Variants in FSTL5 observed in about 807,000 individuals in gnomAD.
The protein encoded by FSTL5 is follistatin-related protein 5.
Under a neutral mutation model 89.1 loss-of-function variants are expected in FSTL5, and 62 were observed. The ratio of observed to expected loss-of-function variants is 0.70; its 90% CI spans 0.57 to 0.86. The LOEUF is 0.86. Ranked by LOEUF, FSTL5 falls within the 40% of genes least tolerant of loss-of-function variation. The probability of loss-of-function intolerance (pLI) is 0.00; values close to 1 mark genes in which losing one functional copy is unlikely to be tolerated. For missense variants in FSTL5, 1,057 were observed against 1,001.6 expected (o/e 1.06, Z -0.75); for synonymous variants, 383 against 346.2 (o/e 1.11, Z -1.18).
chr4:161,497,586 C>A (rs1730125782), intron 12 of FSTL5, among the ~76,000 whole-genome samples: 1 of 151,706 alleles, frequency 6.6e-6, no homozygotes, highest in African/African-American at 2.4e-5. Context: ...TATTACTCTT[C>A]CATAAGAGTA....
intron 4 of FSTL5, among the ~76,000 whole-genome samples, chr4:161,793,132 C>A (rs931940077): frequency 6.6e-6 from 1 of 152,232 alleles, no homozygotes; most frequent in Non-Finnish European, 1.5e-5. Context: ...ATGGAGCCGG[C>A]AACTGGACCA....
chr4:161,885,829 G>T (rs1190641961), intron 4 of FSTL5, among the ~76,000 whole-genome samples: 2 of 152,054 alleles, frequency 1.3e-5, no homozygotes, highest in Admixed American at 1.3e-4. Context: ...AGTATTGTGT[G>T]TGTATGTTTT....
chr4:162,102,237 G>T (rs906248126), intron 2 of FSTL5, among the ~76,000 whole-genome samples: 1 of 151,846 alleles, frequency 6.6e-6, no homozygotes, highest in Non-Finnish European at 1.5e-5. Flanking sequence ...TAACTCACCT[G>T]TGTCCTAATA....
chr4:161,759,711 A>G (rs1005454630), intron 5 of FSTL5, among the ~76,000 whole-genome samples, 180 bp from the exon 6 acceptor site: 1 of 152,226 alleles, frequency 6.6e-6, no homozygotes, highest in African/African-American at 2.4e-5. Context: ...CTTTTCAAAG[A>G]TATAAAGTTA....
At chr4:161,438,494 A>G (rs1159105073) in intron 15 of FSTL5, among the ~76,000 whole-genome samples, 1 of 152,162 alleles carries the variant, frequency 6.6e-6, no homozygotes, top group Non-Finnish European at 1.5e-5. Flanking sequence ...TTTCCCTTTT[A>G]TGTCTTGCTG....
chr4:161,868,879 G>A lies in FSTL5; in HGVS notation c.409+51525C>T, dbSNP rs184325725. On this transcript the variant is annotated intron_variant, in intron 4 of 15. Coordinates refer to ENST00000306100, the MANE Select transcript of FSTL5 (RefSeq NM_020116.5). ...GCCTCTTGGGCGTATTTAGAAAGCC[G>A]TATCCTTATATACTAAGTCATCTAA... 7.1e-4 allele frequency among the ~76,000 whole-genome samples: 108 copies of A among 152,086 alleles called. 2 individuals carry two copies. In the East Asian group the frequency reaches 0.018, roughly 26 times the overall value.
Position 161,860,269 on chromosome 4 carries a change from C to A in FSTL5, c.409+60135G>T, listed in dbSNP as rs1212678557. ...CGCCACTGCACTCCAGCCTAGGCGA[C>A]AGAGCGAGACTCCGTCTCAAACAAA... On this transcript the variant is annotated intron_variant, in intron 4 of 15. Transcript: ENST00000306100. 2.0e-5 allele frequency among the ~76,000 whole-genome samples: 3 copies of A among 148,918 alleles called. No homozygotes were observed. The East Asian group carries it at 6.0e-4, about 30-fold the overall frequency.
chr4:161,980,699 A>G (rs1048519212), intron 3 of FSTL5, among the ~76,000 whole-genome samples: 5 of 151,570 alleles, frequency 3.3e-5, no homozygotes, highest in African/African-American at 1.2e-4. Context: ...GTCTTCTCCT[A>G]AACATAGGGA....
chr4:161,476,883 A>G (rs939811925), intron 13 of FSTL5, among the ~76,000 whole-genome samples: 1 of 152,096 alleles, frequency 6.6e-6, no homozygotes, highest in African/African-American at 2.4e-5. Context: ...AGATACCCCA[A>G]ATGTAAAGGA....
intron 7 of FSTL5, among the ~76,000 whole-genome samples, chr4:161,607,418 T>C (rs1247695929): frequency 6.6e-6 from 1 of 152,130 alleles, no homozygotes; most frequent in Non-Finnish European, 1.5e-5. Flanking sequence ...AGCTGAAATA[T>C]ATATAATACT....
In FSTL5 at chr4:161,651,012, C is replaced by A. The variant is rs528120202; in HGVS notation, c.894+5316G>T. 2.6e-5 allele frequency among the ~76,000 whole-genome samples: 4 copies of A among 152,226 alleles called. No homozygotes were observed. In the South Asian group the frequency reaches 6.2e-4, roughly 24 times the overall value. On this transcript the variant is annotated intron_variant, in intron 7 of 15. Transcript: ENST00000306100. ...CATTTCAACTTCTCTTTTTCTTTCA[C>A]CCCTGACTGCCAATCCTGACAACCA...
At position 161,993,310 on chromosome 4, in the gene FSTL5, CA is replaced by C. The variant is rs554909956; in HGVS notation, c.160+40314del. Among the ~76,000 whole-genome samples, 107 of 151,472 alleles carry C rather than the reference CA, an allele frequency of 7.1e-4. 1 individual carries two copies. The highest frequency in any genetic ancestry group is 2.5e-3 in the African/African-American group (105 of 41,276). ...AATTAGAATTGTAACTGAATAATGA[CA>C]AGATCAACTAAGAAAGAAAAAGGTA... On this transcript the variant is annotated intron_variant, in intron 3 of 15. Coordinates refer to ENST00000306100, the MANE Select transcript of FSTL5 (RefSeq NM_020116.5).
At chr4:162,102,679 CAT>C (rs1226969306) in intron 2 of FSTL5, among the ~76,000 whole-genome samples, 3 of 129,810 alleles carry the variant, frequency 2.3e-5, no homozygotes, top group East Asian at 3.4e-4. Flanking sequence ...ATATGTATAA[CAT>C]ATTTATATTT....
intron 8 of FSTL5, among the ~76,000 whole-genome samples, chr4:161,580,422 T>C (rs560395919): frequency 2.8e-4 from 43 of 152,258 alleles, no homozygotes; most frequent in Non-Finnish European, 5.6e-4. Context: ...GAAAAGACCC[T>C]AGGTTCAACT....
At chr4:161,864,221 A>G (rs1160687530) in intron 4 of FSTL5, among the ~76,000 whole-genome samples, 1 of 152,170 alleles carries the variant, frequency 6.6e-6, no homozygotes, top group Non-Finnish European at 1.5e-5. Context: ...AACGTAACAC[A>G]TTTCAGGTTC....
At chr4:161,563,348 T>C (rs973927705) in intron 8 of FSTL5, among the ~76,000 whole-genome samples, 6 of 151,976 alleles carry the variant, frequency 3.9e-5, no homozygotes, top group African/African-American at 1.2e-4. Flanking sequence ...GGCAATTCTA[T>C]TGCTATTTTT....
intron 4 of FSTL5, among the ~76,000 whole-genome samples, chr4:161,782,197 A>G: frequency 6.6e-6 from 1 of 152,182 alleles, no homozygotes; most frequent in East Asian, 1.9e-4. Context: ...AGCTGCTATA[A>G]ACATCTGTGT....
chr4:161,897,575 CAAAAAA>C (rs35785865), intron 4 of FSTL5, among the ~76,000 whole-genome samples: 44 of 81,432 alleles, frequency 5.4e-4, no homozygotes, highest in African/African-American at 1.8e-3. Context: ...AACTCCGTCT[CAAAAAA>C]AAAAAAAAAA....
At chr4:162,057,133 G>A (rs577388472) in intron 2 of FSTL5, among the ~76,000 whole-genome samples, 1 of 152,210 alleles carries the variant, frequency 6.6e-6, no homozygotes, top group Non-Finnish European at 1.5e-5. Context: ...CCATCTGCCC[G>A]ATTAGCACCG....
Sources: allele counts gnomAD v4.1 joint callset (sites outside exome capture counted in the v4.1 genomes callset), GRCh38; gene constraint gnomAD v4.1.1; transcripts MANE v1.5; gene names NCBI Gene and HGNC (gene_info 2026-07-23, HGNC 2026-07-21).